MED21: variants seen among roughly 807,000 people sequenced by gnomAD.
MED21 encodes the protein mediator complex subunit 21.
In MED21, 9 loss-of-function variants were observed where a neutral mutation model predicts 18.2. That is an observed-to-expected ratio of 0.49 (90% CI 0.30 to 0.86). The LOEUF (loss-of-function observed/expected upper bound fraction) is 0.86, where lower values mean the gene tolerates loss of function less well. Ranked by LOEUF, MED21 falls within the 40% of genes least tolerant of loss-of-function variation. MED21 has a pLI of 0.07. For synonymous variants in MED21, 73 were observed against 60.5 expected (o/e 1.21, Z -0.96); for missense variants, 150 against 170.9 (o/e 0.88, Z 0.68).
Position 27,028,501 on chromosome 12 carries a change from AG to A in MED21, c.*41del. ...ATGTGGCTGAGAAAAGAACTGTTTG[AG>A]TGCCATTAAGAATTCTGCATCAGAC... On this transcript the variant is annotated 3_prime_UTR_variant, in exon 4 of 4. Coordinates refer to ENST00000282892, the MANE Select transcript of MED21 (RefSeq NM_004264.5). 6.3e-7 allele frequency: 1 copy of A among 1,579,364 alleles called. No individual in the cohort carries two copies. The highest frequency in any genetic ancestry group is 8.6e-7 in the Non-Finnish European group (1 of 1,158,594).
At position 27,022,672 on chromosome 12, in the gene MED21, G is replaced by A. The variant is rs780247606; in HGVS notation, c.42+51G>A. 34 of 1,612,452 alleles carry A rather than the reference G, an allele frequency of 2.1e-5. 1 individual carries two copies. The South Asian group carries it at 3.6e-4, about 17-fold the overall frequency. ...CTGTCTTTCTCTTTCTTGAGGTAAA[G>A]CAAGGGAGGAAAGGGGCCCAAGAGG... On this transcript the variant is annotated intron_variant, in intron 1 of 3. Coordinates refer to ENST00000282892, the MANE Select transcript of MED21 (RefSeq NM_004264.5).
chr12:27,029,961 G>A lies in MED21; in HGVS notation c.*1500G>A, dbSNP rs1941596793. 1 of 278,826 alleles carries A rather than the reference G, an allele frequency of 3.6e-6. No homozygotes were observed. The highest frequency in any genetic ancestry group is 6.5e-5 in the Admixed American group (1 of 15,422). The allele number at this position is 278,826 out of a possible 1,614,324, so 17.3% of individuals were successfully genotyped here. A position where few individuals can be genotyped will look rare whatever the true frequency, so the allele number is the denominator to read the frequency against. Reference sequence around the variant, plus strand: ...TTCAAGGGAAGCTTTTTAAAAAGAAGGGAAGTTATAGCAGAAGGAAACTTA... The same window carrying A: ...TTCAAGGGAAGCTTTTTAAAAAGAAAGGAAGTTATAGCAGAAGGAAACTTA... On this transcript the variant is annotated 3_prime_UTR_variant, in exon 4 of 4. Coordinates refer to ENST00000282892, the MANE Select transcript of MED21 (RefSeq NM_004264.5).
chr12:27,023,014 T>C (rs2136480001), intron 1 of MED21: 1 of 721,858 alleles, frequency 1.4e-6, no homozygotes, highest in East Asian at 7.1e-5. Flanking sequence ...TCCTCATCAA[T>C]TTTAATCCAC....
chr12:27,026,661 G>A, intron 2 of MED21, 127 bp downstream of exon 2: 1 of 739,558 alleles, frequency 1.4e-6, no homozygotes, highest in Non-Finnish European at 2.2e-6. Flanking sequence ...AATATTACAA[G>A]TTTTGTTTGT....
At chr12:27,026,360 A>G in intron 1 of MED21, 60 bp from the exon 2 acceptor site, 2 of 1,020,116 alleles carry the variant, frequency 2.0e-6, no homozygotes, top group Non-Finnish European at 3.0e-6. Flanking sequence ...TGCCATTACC[A>G]ATAAAGTCCT....
chr12:27,029,741 T>C lies in MED21; in HGVS notation c.*1280T>C. The C allele has an allele frequency of 1.0e-6, 1 of 983,974 alleles. No homozygotes were observed. The highest frequency in any genetic ancestry group is 4.7e-5 in the South Asian group (1 of 21,258). The allele number at this position is 983,974 out of a possible 1,614,324, so 61.0% of individuals were successfully genotyped here. ...TAATTGATGTTTATTAAAAACACTT[T>C]GCTATCAGATATTTGGCATAAATCT... On this transcript the variant is annotated 3_prime_UTR_variant, in exon 4 of 4. Transcript: ENST00000282892.
intron 1 of MED21, chr12:27,022,926 G>A: frequency 8.0e-7 from 1 of 1,255,188 alleles, no homozygotes; most frequent in Non-Finnish European, 1.0e-6. Context: ...CCTGAGGACA[G>A]TTTTATTTTC....
rs377037296 is a variant in MED21 at position 27,022,601 on chromosome 12, C to A, written c.22C>A (p.Leu8Ile). 482 of 1,587,004 alleles carry A rather than the reference C, an allele frequency of 3.0e-4. No individual in the cohort carries two copies. The highest frequency in any genetic ancestry group is 3.9e-4 in the Non-Finnish European group (457 of 1,162,206). MADRLTQ[L>I]QDAVNSLADQ... is the part of the protein sequence containing the mutation. Reference sequence around the variant, plus strand: ...GAACATGGCGGATCGGCTCACGCAGCTTCAGGACGCTGTGAATTCGGTGAG... The same window carrying A: ...GAACATGGCGGATCGGCTCACGCAGATTCAGGACGCTGTGAATTCGGTGAG... The change falls in exon 1 of 4, where the codon CTT (leucine) becomes ATT (isoleucine). Residue 8 changes from leucine to isoleucine, a missense_variant. Coordinates refer to ENST00000282892, the MANE Select transcript of MED21 (RefSeq NM_004264.5).
chr12:27,024,439 C>T (rs1005887831), intron 1 of MED21, among the ~76,000 whole-genome samples: 2 of 152,186 alleles, frequency 1.3e-5, no homozygotes, highest in Non-Finnish European at 2.9e-5. Flanking sequence ...GAGGACCAGC[C>T]TCTAAGTGTT....
intron 1 of MED21, among the ~76,000 whole-genome samples, chr12:27,025,241 A>C (rs1424753328): frequency 6.6e-6 from 1 of 152,220 alleles, no homozygotes; most frequent in Non-Finnish European, 1.5e-5. Context: ...CTAGGTTTGT[A>C]TAGCATCTGA....
chr12:27,022,775 C>G (rs1321780556), intron 1 of MED21, 154 bp downstream of exon 1: 2 of 1,533,440 alleles, frequency 1.3e-6, no homozygotes, highest in Admixed American at 3.9e-5. Context: ...CCACCGCGAA[C>G]TCGGAGGTTT....
In MED21 at chr12:27,029,558, A is replaced by G. The variant is rs768911913; in HGVS notation, c.*1097A>G. The G allele has an allele frequency of 4.8e-5, 47 of 985,346 alleles. No homozygotes were observed. The highest frequency in any genetic ancestry group is 5.2e-5 in the Non-Finnish European group (43 of 829,946). 61.0% of individuals were successfully genotyped at this position (985,346 alleles called of 1,614,324 possible). On this transcript the variant is annotated 3_prime_UTR_variant, in exon 4 of 4. Transcript: ENST00000282892. Reference sequence around the variant, plus strand: ...TTAAGTTTCAGGAGAAAACAGGAACAATAGAACACTCTGCCTGTTATTTTT... The same window carrying G: ...TTAAGTTTCAGGAGAAAACAGGAACGATAGAACACTCTGCCTGTTATTTTT...
intron 3 of MED21, 38 bp downstream of exon 3, chr12:27,027,485 G>C (rs1473775393): frequency 1.3e-6 from 2 of 1,489,432 alleles, no homozygotes; most frequent in Non-Finnish European, 9.3e-7. Context: ...ACCAGTAATA[G>C]AGAATTTTGA....
intron 1 of MED21, 61 bp from the exon 2 acceptor site, chr12:27,026,359 C>T (rs1012975779): frequency 2.0e-6 from 2 of 997,570 alleles, no homozygotes; most frequent in Non-Finnish European, 3.1e-6. Context: ...TTGCCATTAC[C>T]AATAAAGTCC....
intron 1 of MED21, among the ~76,000 whole-genome samples, chr12:27,025,038 T>C (rs1941525724): frequency 6.6e-6 from 1 of 152,248 alleles, no homozygotes. Context: ...TTATATGCAG[T>C]ACTTTAGTTA....
chr12:27,023,707 C>T (rs1435148949), intron 1 of MED21, among the ~76,000 whole-genome samples: 1 of 152,102 alleles, frequency 6.6e-6, no homozygotes, highest in Non-Finnish European at 1.5e-5. Context: ...CACACTATGC[C>T]TGAGTGGAAA....
At chr12:27,032,406 C>G (rs916607891), downstream of MED21, among the ~76,000 whole-genome samples, 2 of 152,118 alleles carry the variant, frequency 1.3e-5, no homozygotes, top group African/African-American at 2.4e-5. Flanking sequence ...AGATGTGTTG[C>G]TGGAATAGAT....
chr12:27,031,266 T>A (rs1054600543), downstream of MED21, among the ~76,000 whole-genome samples: 2 of 152,218 alleles, frequency 1.3e-5, no homozygotes, highest in African/African-American at 4.8e-5. Context: ...ATATTGGCCA[T>A]TAGAGCCTTT....
chr12:27,023,469 G>A (rs1001355058), intron 1 of MED21, among the ~76,000 whole-genome samples: 1 of 151,746 alleles, frequency 6.6e-6, no homozygotes, highest in Non-Finnish European at 1.5e-5. Flanking sequence ...GCTAATGTTT[G>A]TATTTTTAGT....
Sources: gnomAD v4.1 joint callset for allele counts (sites outside exome capture counted in the v4.1 genomes callset) on GRCh38, gnomAD v4.1.1 for gene constraint, MANE v1.5 for transcripts, NCBI Gene and HGNC (gene_info 2026-07-23, HGNC 2026-07-21) for gene names.